Variants in RBPMS observed in about 807,000 individuals in gnomAD.
RBPMS encodes RNA binding protein, mRNA processing factor.
Under a neutral mutation model 26.8 loss-of-function variants are expected in RBPMS, and 7 were observed. The observed-to-expected ratio is 0.26, with a 90% CI of 0.15 to 0.49. The LOEUF (loss-of-function observed/expected upper bound fraction) is 0.49. Among genes scored for constraint, RBPMS ranks in the 20% least tolerant of loss-of-function variants. The pLI, the probability that RBPMS is intolerant of heterozygous loss-of-function variation, is 0.98. For synonymous variants in RBPMS, 96 were observed against 93.3 expected (o/e 1.03, Z -0.17); for missense variants, 186 against 250.0 (o/e 0.74, Z 1.73).
At chr8:30,492,746 G>T (rs955481364) in intron 4 of RBPMS, among the ~76,000 whole-genome samples, 8 of 152,108 alleles carry the variant, frequency 5.3e-5, no homozygotes, top group African/African-American at 1.9e-4. Context: ...TAACCAAAGG[G>T]GTGTGTATTT....
At chr8:30,438,896 C>T (rs1240490816) in intron 1 of RBPMS, among the ~76,000 whole-genome samples, 1 of 152,148 alleles carries the variant, frequency 6.6e-6, no homozygotes, top group Non-Finnish European at 1.5e-5. Flanking sequence ...GCCTCAGCCT[C>T]CTTAGTAGCT....
chr8:30,479,425 G>A, intron 4 of RBPMS, 48 bp downstream of exon 4: 1 of 1,283,442 alleles, frequency 7.8e-7, no homozygotes, highest in Non-Finnish European at 1.1e-6. Context: ...TGAGGTGGTG[G>A]GAAGTAATGG....
chr8:30,450,076 G>A (rs1408061635), intron 1 of RBPMS, among the ~76,000 whole-genome samples: 1 of 152,160 alleles, frequency 6.6e-6, no homozygotes, highest in Non-Finnish European at 1.5e-5. Flanking sequence ...GCAGGTTGCC[G>A]CATTAAAATA....
At chr8:30,443,171 A>G (rs566985522) in intron 1 of RBPMS, among the ~76,000 whole-genome samples, 1 of 152,262 alleles carries the variant, frequency 6.6e-6, no homozygotes, top group African/African-American at 2.4e-5. Flanking sequence ...TTGCGTGGAT[A>G]TTGCCTTTTT....
At chr8:30,455,217 T>G (rs779629621) in intron 1 of RBPMS, among the ~76,000 whole-genome samples, 24 of 152,154 alleles carry the variant, frequency 1.6e-4, no homozygotes, top group Non-Finnish European at 3.1e-4. Context: ...AAAACTAAAT[T>G]CCTGACCATT....
intron 1 of RBPMS, among the ~76,000 whole-genome samples, chr8:30,464,215 A>G (rs568832499): frequency 2.0e-5 from 3 of 152,212 alleles, no homozygotes; most frequent in South Asian, 2.1e-4. Flanking sequence ...CCTCTCTTTT[A>G]TATCTGGTTT....
chr8:30,524,214 C>T (rs11782059), intron 5 of RBPMS, among the ~76,000 whole-genome samples: 37,229 of 151,970 alleles, frequency 0.24, 4,903 homozygotes, highest in East Asian at 0.4. Context: ...GTGATGTTTA[C>T]AGCCATTGAT....
chr8:30,568,968 G>C (rs1209505197), intron 8 of RBPMS, among the ~76,000 whole-genome samples: 1 of 149,840 alleles, frequency 6.7e-6, no homozygotes, highest in African/African-American at 2.5e-5. Flanking sequence ...TCCTGCCTAT[G>C]TTCCTTCTCC....
chr8:30,547,678 G>T (rs1825981124), intron 6 of RBPMS, among the ~76,000 whole-genome samples: 1 of 152,198 alleles, frequency 6.6e-6, no homozygotes, highest in Admixed American at 6.5e-5. Flanking sequence ...AGGTCCTGGA[G>T]CCGAGGCCAC....
At chr8:30,411,664 G>GAAA (rs796071124) in intron 1 of RBPMS, among the ~76,000 whole-genome samples, 2 of 28,216 alleles carry the variant, frequency 7.1e-5, no homozygotes, top group African/African-American at 1.5e-4. Context: ...CCCTGTCTCA[G>GAAA]AAAAAAAAAA....
intron 4 of RBPMS, among the ~76,000 whole-genome samples, chr8:30,493,912 C>G (rs1473964178): frequency 1.3e-5 from 2 of 152,194 alleles, no homozygotes; most frequent in Admixed American, 1.3e-4. Flanking sequence ...AAAGCAGATT[C>G]TCCTAGGGCA....
intron 1 of RBPMS, among the ~76,000 whole-genome samples, chr8:30,414,980 A>T (rs1809891548): frequency 6.6e-6 from 1 of 150,794 alleles, no homozygotes; most frequent in Non-Finnish European, 1.5e-5. Flanking sequence ...CTGCCTCTTC[A>T]TTTCTCGTGG....
At chr8:30,496,321 A>T (rs975454297) in intron 4 of RBPMS, among the ~76,000 whole-genome samples, 1 of 152,058 alleles carries the variant, frequency 6.6e-6, no homozygotes, top group Non-Finnish European at 1.5e-5. Flanking sequence ...GGCGTCCGCC[A>T]CCACGCCCGG....
rs1182143608 is a variant in RBPMS, at chr8:30,514,717, G to A, written c.397+10281G>A. ...TTTTTTTTTTTTAATGTAGAGGCGG[G>A]GTTTCCCCATGTTGGCCACGCTGGT... is the stretch of plus-strand genomic sequence containing the variant. On this transcript the variant is annotated intron_variant, in intron 5 of 8. Transcript: ENST00000397323. Among the ~76,000 whole-genome samples the A allele has an allele frequency of 3.9e-5, 5 of 127,916 alleles. 1 individual carries two copies. The highest frequency in any genetic ancestry group is 3.0e-4 in the South Asian group (1 of 3,360). The allele number at this position is 127,916 out of a possible 152,430, so 83.9% of individuals were successfully genotyped here.
chr8:30,505,488 CAG>C (rs1249961629), intron 5 of RBPMS, among the ~76,000 whole-genome samples: 1 of 152,134 alleles, frequency 6.6e-6, no homozygotes, highest in Non-Finnish European at 1.5e-5. Flanking sequence ...TAGAAACTAA[CAG>C]ATAAGTCTCC....
chr8:30,515,587 T>C (rs1354420575), intron 5 of RBPMS, among the ~76,000 whole-genome samples: 2 of 152,248 alleles, frequency 1.3e-5, no homozygotes. Flanking sequence ...TATGTAGATC[T>C]AAAGTTTTAT....
Position 30,570,838 on chromosome 8 carries a change from C to T in RBPMS, c.*313C>T, listed in dbSNP as rs7011907. 0.08 allele frequency: 12,203 copies of T among 152,242 alleles called. 1,138 individuals are homozygous for T. The highest frequency in any genetic ancestry group is 0.23 in the African/African-American group (9,505 of 41,342). The allele number at this position is 152,242 out of a possible 1,614,324, so 9.4% of individuals were successfully genotyped here. A position where few individuals can be genotyped will look rare whatever the true frequency, so the allele number is the denominator to read the frequency against. On this transcript the variant is annotated 3_prime_UTR_variant, in exon 9 of 9. Transcript: ENST00000397323. ...AGTTTGGAGATATTTTCAAACGAAACGTAAGAGAAGTCAACAATAAAACCA... is the reference window on the plus strand; with the variant it reads ...AGTTTGGAGATATTTTCAAACGAAATGTAAGAGAAGTCAACAATAAAACCA...
intron 6 of RBPMS, among the ~76,000 whole-genome samples, chr8:30,548,566 TATAAC>T (rs1016916132): frequency 3.9e-5 from 6 of 152,228 alleles, no homozygotes; most frequent in Non-Finnish European, 7.3e-5. Context: ...GTTTTAAAAT[TATAAC>T]AGACTGCCTG....
At chr8:30,470,472 C>G (rs1170366057) in intron 1 of RBPMS, among the ~76,000 whole-genome samples, 1 of 152,054 alleles carries the variant, frequency 6.6e-6, no homozygotes, top group African/African-American at 2.4e-5. Flanking sequence ...ATTCATTATT[C>G]GTGATTTTTT....
Sources: gnomAD v4.1 joint callset for allele counts (sites outside exome capture counted in the v4.1 genomes callset) on GRCh38, gnomAD v4.1.1 for gene constraint, MANE v1.5 for transcripts, NCBI Gene and HGNC (gene_info 2026-07-23, HGNC 2026-07-21) for gene names.